The following WASHC3 variants were observed in gnomAD, a reference collection of about 807,000 sequenced individuals.
The protein encoded by WASHC3 is WASH complex subunit CCDC53.
A neutral mutation model predicts 26.1 loss-of-function variants in WASHC3; 24 were observed. The observed-to-expected ratio is 0.92, with a 90% CI of 0.66 to 1.29. The LOEUF is 1.29. WASHC3 is among the 50% of genes most tolerant of loss of function. WASHC3 has a pLI of 0.00. For missense variants in WASHC3, 214 were observed against 229.6 expected (o/e 0.93, Z 0.44); for synonymous variants, 77 against 75.7 (o/e 1.02, Z -0.09).
At position 102,061,905 on chromosome 12, in the gene WASHC3, TACAA is replaced by T; in HGVS notation, c.51+3_51+6del. ...TCGTCGGGAGTCTAGCACCGTCTTT[TACAA>T]ACCTTGGTCAGGTCTATGCCTGACC... is the stretch of plus-strand genomic sequence containing the variant. On this transcript the variant is annotated splice_donor_5th_base_variant and intron_variant, in intron 1 of 6. Coordinates refer to ENST00000240079, the MANE Select transcript of WASHC3 (RefSeq NM_016053.4). 6.3e-7 allele frequency: 1 copy of T among 1,595,728 alleles called. No homozygotes were observed. The highest frequency in any genetic ancestry group is 8.5e-7 in the Non-Finnish European group (1 of 1,170,318).
At chr12:102,014,562 T>C (rs1241094462) in intron 6 of WASHC3, among the ~76,000 whole-genome samples, 2 of 152,224 alleles carry the variant, frequency 1.3e-5, no homozygotes, top group East Asian at 3.8e-4. Flanking sequence ...TATTTTTAAA[T>C]ATATTTGGCA....
chr12:102,060,815 C>A (rs1157269331), intron 2 of WASHC3, among the ~76,000 whole-genome samples: 1 of 151,812 alleles, frequency 6.6e-6, no homozygotes, highest in East Asian at 1.9e-4. Flanking sequence ...ATTAGCCAGG[C>A]ATGGTGGCGC....
intron 1 of WASHC3, 85 bp from the exon 2 acceptor site, chr12:102,061,431 C>T (rs1878807365): frequency 1.2e-5 from 10 of 865,508 alleles, no homozygotes; most frequent in Non-Finnish European, 1.9e-5. Context: ...AATCACGAGG[C>T]ACTTTGCTGT....
intron 5 of WASHC3, among the ~76,000 whole-genome samples, chr12:102,035,528 G>C (rs1305953700): frequency 6.6e-6 from 1 of 152,208 alleles, no homozygotes; most frequent in Non-Finnish European, 1.5e-5. Flanking sequence ...TGTCAACCTT[G>C]AGGAAGACCT....
At chr12:102,023,570 G>T (rs149581447) in intron 6 of WASHC3, among the ~76,000 whole-genome samples, 1 of 152,060 alleles carries the variant, frequency 6.6e-6, no homozygotes, top group African/African-American at 2.4e-5. Flanking sequence ...GTGAGGCTCC[G>T]TAACTTTTAT....
intron 5 of WASHC3, among the ~76,000 whole-genome samples, chr12:102,031,062 G>C (rs984309878): frequency 1.2e-4 from 19 of 152,120 alleles, no homozygotes; most frequent in African/African-American, 4.6e-4. Flanking sequence ...AGGCAACATG[G>C]AGGGTTCAAA....
chr12:102,015,326 C>T (rs538183399), intron 6 of WASHC3, among the ~76,000 whole-genome samples: 7 of 152,030 alleles, frequency 4.6e-5, no homozygotes, highest in African/African-American at 7.2e-5. Flanking sequence ...CAGCTTAGGA[C>T]CAGAAGAAAC....
At chr12:102,018,952 C>T (rs1030703675) in intron 6 of WASHC3, among the ~76,000 whole-genome samples, 2 of 137,434 alleles carry the variant, frequency 1.5e-5, no homozygotes, top group African/African-American at 2.7e-5. Context: ...CGAGTGCCAC[C>T]ACACCCAGAT....
intron 3 of WASHC3, among the ~76,000 whole-genome samples, chr12:102,044,535 A>T (rs1301286776): frequency 6.6e-6 from 1 of 152,018 alleles, no homozygotes; most frequent in African/African-American, 2.4e-5. Flanking sequence ...CTTGTGTAAA[A>T]CTCCCTGTGT....
At chr12:102,022,971 G>C (rs1877018336) in intron 6 of WASHC3, among the ~76,000 whole-genome samples, 1 of 151,202 alleles carries the variant, frequency 6.6e-6, no homozygotes, top group Non-Finnish European at 1.5e-5. Flanking sequence ...TTATCTCGGT[G>C]GTACTGAAAT....
At position 102,061,955 on chromosome 12, in the gene WASHC3, T is replaced by C; in HGVS notation, c.8A>G (p.Glu3Gly). The part of the protein sequence containing the change: MD[E>G]DGLPLMGSGI... ...TGACCCCATGAGAGGAAGCCCGTCC[T>C]CATCCATCTCCTCAGCGGGCGGTGG... Residue 3 changes from glutamate (E) to glycine (G), a missense_variant, in exon 1 of 7, where the codon GAG becomes GGG. By Grantham distance (98) the Glu-to-Gly change is moderately conservative (BLOSUM62 -2). Coordinates refer to ENST00000240079, the MANE Select transcript of WASHC3 (RefSeq NM_016053.4). The C allele has an allele frequency of 6.3e-7, 1 of 1,598,266 alleles. No homozygotes were observed. The highest frequency in any genetic ancestry group is 8.5e-7 in the Non-Finnish European group (1 of 1,171,588).
chr12:102,026,082 CT>C, intron 5 of WASHC3, 44 bp from the exon 6 acceptor site: 2 of 1,098,998 alleles, frequency 1.8e-6, no homozygotes. Flanking sequence ...AAAATGTCTC[CT>C]TTATATGTCG....
Position 102,061,982 on chromosome 12 carries a change from C to T in WASHC3, c.-20G>A. The stretch of plus-strand genomic sequence containing the variant: ...ATCCATCTCCTCAGCGGGCGGTGGA[C>T]CCCGAGTTCACCCACAAACCCCTCC... On this transcript the variant is annotated 5_prime_UTR_variant, in exon 1 of 7. Transcript: ENST00000240079. The T allele has an allele frequency of 6.3e-7, 1 of 1,586,426 alleles. No individual in the cohort carries two copies. Among genetic ancestry groups the T allele is most frequent in the Non-Finnish European group, 8.6e-7 (1 of 1,164,848 alleles).
At chr12:102,055,641 C>A (rs898174060) in intron 2 of WASHC3, among the ~76,000 whole-genome samples, 1 of 152,224 alleles carries the variant, frequency 6.6e-6, no homozygotes, top group Non-Finnish European at 1.5e-5. Context: ...CCGTGCCCCA[C>A]CCATCAAAGC....
chr12:102,041,150 T>G (rs1877922084), intron 4 of WASHC3, among the ~76,000 whole-genome samples: 1 of 151,740 alleles, frequency 6.6e-6, no homozygotes, highest in Non-Finnish European at 1.5e-5. Context: ...TATTCATCTA[T>G]AATACAAATA....
chr12:102,058,108 G>A (rs1371066312), intron 2 of WASHC3, among the ~76,000 whole-genome samples: 3 of 151,984 alleles, frequency 2.0e-5, no homozygotes, highest in Non-Finnish European at 4.4e-5. Context: ...TGATTTTTGA[G>A]AAAGATGTTA....
At chr12:102,055,858 C>T (rs1009827724) in intron 2 of WASHC3, among the ~76,000 whole-genome samples, 1 of 152,134 alleles carries the variant, frequency 6.6e-6, no homozygotes, top group Admixed American at 6.5e-5. Context: ...AATTCAATTC[C>T]ATTATTTAAA....
In WASHC3 at chr12:102,061,951, G is replaced by A. The variant is rs3751129; in HGVS notation, c.12C>T (p.Asp4=). ...TGCCTGACCCCATGAGAGGAAGCCC[G>A]TCCTCATCCATCTCCTCAGCGGGCG... MDE[D]GLPLMGSGID... The change falls in exon 1 of 7, where the codon GAC becomes GAT. Residue 4 remains aspartate, a synonymous_variant. Coordinates refer to ENST00000240079, the MANE Select transcript of WASHC3 (RefSeq NM_016053.4). 367,512 of 1,596,048 alleles carry A rather than the reference G, an allele frequency of 0.23. 44,785 individuals carry two copies. The highest frequency in any genetic ancestry group is 0.47 in the East Asian group (20,631 of 44,262).
At chr12:102,057,167 G>A (rs573930618) in intron 2 of WASHC3, among the ~76,000 whole-genome samples, 15 of 152,158 alleles carry the variant, frequency 9.9e-5, no homozygotes, top group Admixed American at 2.6e-4. Flanking sequence ...GACAAAAACC[G>A]TATGATCATC....
Sources: gnomAD v4.1 joint callset for allele counts (sites outside exome capture counted in the v4.1 genomes callset) on GRCh38, gnomAD v4.1.1 for gene constraint, MANE v1.5 for transcripts, NCBI Gene and HGNC (gene_info 2026-07-23, HGNC 2026-07-21) for gene names.